Variants in LONP1 observed in about 807,000 individuals in gnomAD.
LONP1 encodes lon peptidase 1, mitochondrial.
A neutral mutation model predicts 98.5 loss-of-function variants in LONP1; 31 were observed. The ratio of observed to expected loss-of-function variants is 0.31; its 90% CI spans 0.24 to 0.42. The LOEUF is 0.42. Ranked by LOEUF, LONP1 falls within the 20% of genes least tolerant of loss-of-function variation. The pLI is 1.00. For missense variants in LONP1, 1,336 were observed against 1,350.6 expected, an observed-to-expected ratio of 0.99 and a Z score of 0.17; for synonymous variants, 781 against 594.7, an observed-to-expected ratio of 1.31 and a Z score of -4.56.
At chr19:5,692,754 A>C (rs780836001) in intron 17 of LONP1, among the ~76,000 whole-genome samples, 8 of 152,166 alleles carry the variant, frequency 5.3e-5, no homozygotes, top group Non-Finnish European at 1.2e-4. Flanking sequence ...TCATCTAGGA[A>C]GTCTGTGCCT....
chr19:5,695,690 C>A (rs1295811980), intron 13 of LONP1, among the ~76,000 whole-genome samples: 1 of 152,202 alleles, frequency 6.6e-6, no homozygotes, highest in Non-Finnish European at 1.5e-5. Context: ...CTCCTCCAAG[C>A]CTCATTCTGG....
chr19:5,695,338 G>A (rs2054906967), intron 13 of LONP1, among the ~76,000 whole-genome samples: 1 of 152,068 alleles, frequency 6.6e-6, no homozygotes, highest in Admixed American at 6.5e-5. Context: ...ATGGCATGGG[G>A]GAGGGCATCT....
chr19:5,719,823 C>G lies in LONP1; in HGVS notation c.310G>C (p.Gly104Arg), dbSNP rs750279642. Residue 104 changes from glycine (G) to arginine (R), a missense_variant, in exon 1 of 18, where the codon GGG (glycine) becomes CGG (arginine). Coordinates refer to ENST00000360614, the MANE Select transcript of LONP1 (RefSeq NM_004793.4). The stretch of plus-strand genomic sequence containing the variant: ...AGCGCCGTTATGACCGGGCCTTCCC[C>G]GGCGCCCGCGCTGCCCCCCGCGCCG... ...AGGAGGSAGA[G>R]EGPVITALTP... The G allele has an allele frequency of 2.7e-5, 43 of 1,610,620 alleles. 1 individual carries two copies. The highest frequency in any genetic ancestry group is 5.5e-5 in the South Asian group (5 of 91,002).
chr19:5,698,916 T>C (rs989776662), intron 10 of LONP1, 111 bp downstream of exon 10: 1 of 1,148,524 alleles, frequency 8.7e-7, no homozygotes, highest in African/African-American at 1.6e-5. Flanking sequence ...GTGGAATCGG[T>C]TGCCCACAAC....
chr19:5,693,306 T>C lies in LONP1; in HGVS notation c.2695A>G (p.Thr899Ala). The stretch of plus-strand genomic sequence containing the variant: ...GGTACAGGGACACTCACCGCAATGG[T>C]CTTCTCCTTGATGCCACCAACAGGC... Reference protein sequence around the residue: ...ILPVGGIKEKTIAAKRAGVTC... With the variant: ...ILPVGGIKEKAIAAKRAGVTC... Residue 899 changes from threonine (T) to alanine (A), a missense_variant, in exon 17 of 18, where the codon ACC becomes GCC. Around this residue, in one of 5 missense-constraint regions of LONP1, gnomAD observed 555 missense variants for 542.6 expected, o/e 1.02. Transcript: ENST00000360614. 1.2e-6 allele frequency: 2 copies of C among 1,611,414 alleles called. No individual in the cohort carries two copies. Among genetic ancestry groups the C allele is most frequent in the Non-Finnish European group, 1.7e-6 (2 of 1,178,470 alleles).
Position 5,705,868 on chromosome 19 carries a change from C to T in LONP1, c.1271G>A (p.Arg424His), listed in dbSNP as rs748335411. Residue 424 changes from arginine (R) to histidine (H), a missense_variant, in exon 8 of 18, where the codon CGC (arginine) becomes CAC (histidine). Transcript: ENST00000360614. ...KDAIEEKFRERLKELVVPKHV... is the reference protein window; with the variant it reads ...KDAIEEKFREHLKELVVPKHV... ...CTTGGGGACCACGAGCTCCTTCAGG[C>T]GCTCCCGGAACTTCTCCTCGATGGC... 2.4e-5 allele frequency: 38 copies of T among 1,614,000 alleles called. No homozygotes were observed. The highest frequency in any genetic ancestry group is 1.6e-4 in the South Asian group (15 of 91,088).
chr19:5,708,229 G>A lies in LONP1; in HGVS notation c.932+113C>T, dbSNP rs542067126. The A allele has an allele frequency of 1.4e-4, 151 of 1,101,546 alleles. No individual in the cohort carries two copies. The African/African-American group carries it at 1.7e-3, about 12-fold the overall frequency. 68.2% of individuals were successfully genotyped at this position (1,101,546 alleles called of 1,614,324 possible). ...GCTCCTCCACACAGGCCACTCCTTG[G>A]GGCAGGCAAGGTTTCCTCCCAGGAG... On this transcript the variant is annotated intron_variant, in intron 5 of 17. Coordinates refer to ENST00000360614, the MANE Select transcript of LONP1 (RefSeq NM_004793.4).
At chr19:5,708,206 T>C (rs2055178533) in intron 5 of LONP1, 136 bp downstream of exon 5, 1 of 866,606 alleles carries the variant, frequency 1.2e-6, no homozygotes, top group African/African-American at 1.7e-5. Flanking sequence ...GGCAACGGGC[T>C]CCTCCACACA....
At chr19:5,696,000 G>A in intron 13 of LONP1, 54 bp downstream of exon 13, 13 of 1,524,244 alleles carry the variant, frequency 8.5e-6, no homozygotes, top group Non-Finnish European at 1.2e-5. Flanking sequence ...GCAGGCTCTG[G>A]GGGGCGCCCC....
At chr19:5,710,083 T>A (rs750076955) in intron 4 of LONP1, among the ~76,000 whole-genome samples, 12 of 138,732 alleles carry the variant, frequency 8.6e-5, no homozygotes, top group Non-Finnish European at 1.6e-4. Context: ...GCTGTCTGAA[T>A]TTTTTTTTTT....
At chr19:5,696,427 A>C (rs1254349460) in intron 11 of LONP1, 56 bp from the exon 12 acceptor site, 2 of 1,591,220 alleles carry the variant, frequency 1.3e-6, no homozygotes, top group African/African-American at 1.3e-5. Context: ...CAGCCCGCCC[A>C]GTGGGGAGAC....
Position 5,693,724 on chromosome 19 carries a change from T to G in LONP1, c.2366A>C (p.Asp789Ala). 3.1e-6 allele frequency: 5 copies of G among 1,614,040 alleles called. No homozygotes were observed. The highest frequency in any genetic ancestry group is 4.2e-6 in the Non-Finnish European group (5 of 1,180,000). ...ATCCTTGTCACCCTTGGCATCCTTG[T>G]CCTGTGGCCGTCTCAGGGATGTCTC... ...FVETSLRRPQ[D>A]KDAKGDKDGS... Residue 789 changes from aspartate to alanine, a missense_variant, in exon 16 of 18, where the codon GAC becomes GCC. Coordinates refer to ENST00000360614, the MANE Select transcript of LONP1 (RefSeq NM_004793.4).
At chr19:5,698,622 G>A (rs1480117162) in intron 10 of LONP1, among the ~76,000 whole-genome samples, 1 of 152,214 alleles carries the variant, frequency 6.6e-6, no homozygotes, top group Non-Finnish European at 1.5e-5. Flanking sequence ...CAGCCCACAG[G>A]CTTCGGGGTG....
intron 1 of LONP1, among the ~76,000 whole-genome samples, chr19:5,718,614 T>A (rs1024618816): frequency 1.3e-5 from 2 of 151,586 alleles, no homozygotes; most frequent in African/African-American, 4.9e-5. Flanking sequence ...GTCTGGAGAG[T>A]GAGCGCAGAG....
At chr19:5,718,218 C>G (rs1490950495) in intron 1 of LONP1, among the ~76,000 whole-genome samples, 1 of 152,122 alleles carries the variant, frequency 6.6e-6, no homozygotes, top group East Asian at 1.9e-4. Flanking sequence ...TGACTCGCAC[C>G]TGCAATCCCA....
chr19:5,714,254 C>T lies in LONP1; in HGVS notation c.447G>A (p.Leu149=). 6.2e-7 allele frequency: 1 copy of T among 1,613,620 alleles called. No individual in the cohort carries two copies. Among genetic ancestry groups the T allele is most frequent in the Non-Finnish European group, 8.5e-7 (1 of 1,179,656 alleles). Residue 149 remains leucine, a synonymous_variant, in exon 2 of 18, where the codon TTG becomes TTA. Coordinates refer to ENST00000360614, the MANE Select transcript of LONP1 (RefSeq NM_004793.4). ...GAACTTTCCTTCTCAGCAGCTCAACCAACTTCTTATTTTTAACCTAGCATG... is the reference window on the plus strand; with the variant it reads ...GAACTTTCCTTCTCAGCAGCTCAACTAACTTCTTATTTTTAACCTAGCATG... ...IKIIEVKNKK[L]VELLRRKVRL... is the part of the protein sequence containing the mutation.
In LONP1 at chr19:5,691,896, G is replaced by C. The variant is rs1390255529; in HGVS notation, c.*136C>G. ...CCACACTCTGATTAAGCCGACTGAG[G>C]TCCCTGGGATCTGGGTCACTGGACC... On this transcript the variant is annotated 3_prime_UTR_variant, in exon 18 of 18. Transcript: ENST00000360614. The C allele has an allele frequency of 1.0e-6, 1 of 997,756 alleles. No individual in the cohort carries two copies. The highest frequency in any genetic ancestry group is 2.7e-5 in the Admixed American group (1 of 37,056). The allele number at this position is 997,756 out of a possible 1,614,324, so 61.8% of individuals were successfully genotyped here. A position where few individuals can be genotyped will look rare whatever the true frequency, so the allele number is the denominator to read the frequency against.
At chr19:5,711,715 C>G (rs1024032054) in intron 4 of LONP1, 56 bp downstream of exon 4, 9 of 1,474,098 alleles carry the variant, frequency 6.1e-6, no homozygotes, top group Non-Finnish European at 8.4e-6. Context: ...AGGAACGGCT[C>G]AAGGGAGCCC....
chr19:5,712,192 C>T, intron 3 of LONP1, 190 bp from the exon 4 acceptor site: 1 of 575,862 alleles, frequency 1.7e-6, no homozygotes, highest in Non-Finnish European at 3.1e-6. Flanking sequence ...CCAGTGTCCC[C>T]TCCACCCCTT....
Sources: gnomAD v4.1 joint callset for allele counts (sites outside exome capture counted in the v4.1 genomes callset) on GRCh38, gnomAD v4.1.1 for gene constraint, gnomAD v4.1.1 regional missense constraint, MANE v1.5 for transcripts, NCBI Gene and HGNC (gene_info 2026-07-23, HGNC 2026-07-21) for gene names.